SNAP91: variants seen among roughly 807,000 people sequenced by gnomAD.
SNAP91 encodes the protein clathrin coat assembly protein AP180.
SNAP91 carries 27 observed loss-of-function variants against 100.3 expected under a neutral mutation model. That is an observed-to-expected ratio of 0.27 (90% CI 0.20 to 0.37). SNAP91 has a LOEUF of 0.37. SNAP91 is among the 10% of genes least tolerant of loss of function. The pLI, the probability that SNAP91 is intolerant of heterozygous loss-of-function variation, is 1.00. For missense variants in SNAP91, 986 were observed against 1,123.7 expected (o/e 0.88, Z 1.75); for synonymous variants, 404 against 398.6 (o/e 1.01, Z -0.16).
chr6:83,606,801 T>C (rs983616610), intron 13 of SNAP91, among the ~76,000 whole-genome samples: 4 of 152,218 alleles, frequency 2.6e-5, no homozygotes, highest in Non-Finnish European at 5.9e-5. Flanking sequence ...TTGATGTCCA[T>C]TTCATAAATA....
At chr6:83,617,430 A>G (rs1177653974) in intron 9 of SNAP91, among the ~76,000 whole-genome samples, 1 of 152,024 alleles carries the variant, frequency 6.6e-6, no homozygotes, top group East Asian at 1.9e-4. Context: ...ATACAAATTT[A>G]CAGAAATTTG....
chr6:83,695,811 T>G (rs1587974514), intron 2 of SNAP91, among the ~76,000 whole-genome samples: 2 of 152,142 alleles, frequency 1.3e-5, no homozygotes, highest in East Asian at 3.9e-4. Context: ...TCTATTCCAT[T>G]AAGATATATA....
At chr6:83,689,214 GA>G (rs2099101323) in intron 2 of SNAP91, among the ~76,000 whole-genome samples, 1 of 152,136 alleles carries the variant, frequency 6.6e-6, no homozygotes, top group Admixed American at 6.5e-5. Context: ...AAAACAGCTT[GA>G]TAACAGAGCA....
chr6:83,607,329 T>TGTGTGTGTG (rs148264353), intron 13 of SNAP91, among the ~76,000 whole-genome samples: 1 of 144,792 alleles, frequency 6.9e-6, no homozygotes, highest in African/African-American at 2.6e-5. Context: ...CCAAGTTGGG[T>TGTGTGTGTG]TGTGTGTGTG....
chr6:83,580,368 TGA>T (rs147891842), intron 24 of SNAP91, 80 bp downstream of exon 24: 91,691 of 1,074,844 alleles, frequency 0.085, no homozygotes, highest in South Asian at 0.14. Flanking sequence ...ACATATGAGA[TGA>T]GAGAGAGAGA....
At chr6:83,570,460 G>A (rs1203013478) in intron 26 of SNAP91, among the ~76,000 whole-genome samples, 1 of 151,016 alleles carries the variant, frequency 6.6e-6, no homozygotes, top group African/African-American at 2.4e-5. Flanking sequence ...AGAGCCGAAT[G>A]TTTATCACCA....
chr6:83,589,030 C>T (rs1386912341), intron 22 of SNAP91, among the ~76,000 whole-genome samples: 4 of 151,980 alleles, frequency 2.6e-5, no homozygotes, highest in South Asian at 4.2e-4. Flanking sequence ...TTTTATGGGC[C>T]GTTTTAATCT....
chr6:83,686,679 A>G (rs1373335387), intron 2 of SNAP91: 1 of 152,238 alleles, frequency 6.6e-6, no homozygotes, highest in Admixed American at 6.5e-5. Context: ...TTTTATGCCA[A>G]TGATTATATC....
intron 3 of SNAP91, among the ~76,000 whole-genome samples, chr6:83,663,850 G>A (rs987797725): frequency 6.6e-6 from 1 of 152,126 alleles, no homozygotes; most frequent in Non-Finnish European, 1.5e-5. Flanking sequence ...CTAGAAAGGA[G>A]AATACAGTAC....
At chr6:83,693,214 G>A (rs909529984) in intron 2 of SNAP91, among the ~76,000 whole-genome samples, 10 of 152,130 alleles carry the variant, frequency 6.6e-5, no homozygotes, top group African/African-American at 2.2e-4. Flanking sequence ...TGGGACCTTG[G>A]ATAAATTCCT....
chr6:83,608,934 C>T (rs1489471822), intron 12 of SNAP91, among the ~76,000 whole-genome samples: 1 of 152,096 alleles, frequency 6.6e-6, no homozygotes, highest in Non-Finnish European at 1.5e-5. Flanking sequence ...GAATACAAAA[C>T]ATGATCAATG....
chr6:83,612,353 A>G (rs1295678318), intron 11 of SNAP91, among the ~76,000 whole-genome samples: 1 of 152,136 alleles, frequency 6.6e-6, no homozygotes, highest in African/African-American at 2.4e-5. Flanking sequence ...TTTGGCTAAT[A>G]ATTTCTCCAC....
intron 24 of SNAP91, among the ~76,000 whole-genome samples, chr6:83,577,219 A>C (rs1199563432): frequency 1.3e-5 from 2 of 152,166 alleles, no homozygotes; most frequent in East Asian, 3.9e-4. Flanking sequence ...CAACAGCCCT[A>C]ATCAGGTGCA....
Position 83,580,501 on chromosome 6 carries a change from T to G in SNAP91, c.2248A>C (p.Ser750Arg). 1 of 1,613,650 alleles carries G rather than the reference T, an allele frequency of 6.2e-7. No homozygotes were observed. The highest frequency in any genetic ancestry group is 8.5e-7 in the Non-Finnish European group (1 of 1,179,820). Reference sequence around the variant, plus strand: ...TCAAGATCACTTCCAAGGGCTTTGCTGGCTGCCATTGCAGGACTGGGTGGT... The same window carrying G: ...TCAAGATCACTTCCAAGGGCTTTGCGGGCTGCCATTGCAGGACTGGGTGGT... The part of the protein sequence containing the change: ...MVPPSPAMAA[S>R]KALGSDLDSS... The change falls in exon 24 of 30, where the codon AGC (serine) becomes CGC (arginine). Residue 750 changes from serine to arginine, a missense_variant. Physicochemically the swap from Ser to Arg is moderately radical, Grantham distance 110. Transcript: ENST00000369694.
chr6:83,688,804 CT>C (rs1486923292), intron 2 of SNAP91, among the ~76,000 whole-genome samples: 1 of 152,144 alleles, frequency 6.6e-6, no homozygotes, highest in African/African-American at 2.4e-5. Context: ...TCCTGACTAT[CT>C]TCAGGCAAAA....
rs1300604156 is a variant in SNAP91 at position 83,610,741 on chromosome 6, AT to A, written c.885-65del. Reference sequence around the variant, plus strand: ...TATATATATATATATATATATATATATATATAAATATATATGTGAATATATT... The same window carrying A: ...TATATATATATATATATATATATATAATATAAATATATATGTGAATATATT... On this transcript the variant is annotated intron_variant, in intron 11 of 29. Coordinates refer to ENST00000369694, the MANE Select transcript of SNAP91 (RefSeq NM_001242792.2). 1.4e-4 allele frequency: 23 copies of A among 161,312 alleles called. No individual in the cohort carries two copies. In the East Asian group the frequency reaches 1.6e-3, roughly 11 times the overall value. 10.0% of individuals were successfully genotyped at this position (161,312 alleles called of 1,614,324 possible).
chr6:83,673,823 G>T (rs1255448205), intron 2 of SNAP91, among the ~76,000 whole-genome samples: 1 of 152,154 alleles, frequency 6.6e-6, no homozygotes, highest in African/African-American at 2.4e-5. Flanking sequence ...GGCTTCCCTT[G>T]TAGCTAGATA....
chr6:83,627,690 G>A (rs986246039), intron 8 of SNAP91, among the ~76,000 whole-genome samples: 1 of 151,902 alleles, frequency 6.6e-6, no homozygotes, highest in Non-Finnish European at 1.5e-5. Flanking sequence ...GGGATCAATT[G>A]TAATGTCACC....
At chr6:83,572,277 T>C (rs1186225296) in intron 26 of SNAP91, among the ~76,000 whole-genome samples, 2 of 152,182 alleles carry the variant, frequency 1.3e-5, no homozygotes, top group Non-Finnish European at 2.9e-5. Flanking sequence ...AGACAGGGAC[T>C]CACTGTCGCC....
Sources: gnomAD v4.1 joint callset for allele counts (sites outside exome capture counted in the v4.1 genomes callset) on GRCh38, gnomAD v4.1.1 for gene constraint, MANE v1.5 for transcripts, NCBI Gene and HGNC (gene_info 2026-07-23, HGNC 2026-07-21) for gene names.